Variants in NKAP observed in about 807,000 individuals in gnomAD.
The protein encoded by NKAP is NFKB activating protein.
NKAP carries 4 observed loss-of-function variants against 35.6 expected under a neutral mutation model. The observed-to-expected ratio is 0.11, with a 90% CI of 0.06 to 0.26. The LOEUF (loss-of-function observed/expected upper bound fraction) is 0.26. NKAP is among the 10% of genes least tolerant of loss of function. The probability of loss-of-function intolerance (pLI) is 1.00; values close to 1 mark genes in which losing one functional copy is unlikely to be tolerated. For synonymous variants in NKAP, 106 were observed against 119.2 expected (o/e 0.89, Z 0.72); for missense variants, 238 against 321.9 (o/e 0.74, Z 1.99).
At chrX:119,941,716 C>T (rs1373903548) in intron 1 of NKAP, among the ~76,000 whole-genome samples, 1 of 111,613 alleles carries the variant, frequency 9.0e-6, no homozygotes, top group Non-Finnish European at 1.9e-5. Context: ...GCCTTGACCT[C>T]TCCAGCTCAA....
chrX:119,932,625 A>G (rs1287339866), intron 5 of NKAP: 1 of 111,875 alleles, frequency 8.9e-6, no homozygotes, highest in Non-Finnish European at 1.9e-5. Flanking sequence ...CCTCTTAAGA[A>G]TTTTTTTAAA....
At chrX:119,927,061 C>CAA (rs757523569) in intron 8 of NKAP, among the ~76,000 whole-genome samples, 509 of 32,930 alleles carry the variant, frequency 0.015, 21 homozygotes, top group African/African-American at 0.054. Flanking sequence ...AACTAGGTCT[C>CAA]AAAAAAAAAA....
chrX:119,930,843 A>AC (rs1056499088), intron 7 of NKAP, among the ~76,000 whole-genome samples: 14 of 73,256 alleles, frequency 1.9e-4, no homozygotes, highest in Non-Finnish European at 4.6e-4. Flanking sequence ...ACAAAACAAA[A>AC]AAAAAAAACA....
At chrX:119,927,443 C>G (rs1403318266) in intron 8 of NKAP, among the ~76,000 whole-genome samples, 1 of 111,683 alleles carries the variant, frequency 9.0e-6, no homozygotes. Flanking sequence ...CTCATGGGTT[C>G]AAGCGATTCT....
At chrX:119,939,170 G>A (rs904270329) in intron 1 of NKAP, among the ~76,000 whole-genome samples, 1 of 112,797 alleles carries the variant, frequency 8.9e-6, no homozygotes. Flanking sequence ...AGTCTCTTTT[G>A]ATATGGTCAA....
At position 119,931,866 on chromosome X, in the gene NKAP, C is replaced by G. The variant is rs543288455; in HGVS notation, c.923+70G>C. The G allele has an allele frequency of 3.7e-6, 3 of 815,121 alleles. No individual in the cohort carries two copies. The South Asian group carries it at 6.8e-5, about 19-fold the overall frequency. 67.2% of individuals were successfully genotyped at this position (815,121 alleles called of 1,213,427 possible). A position where few individuals can be genotyped will look rare whatever the true frequency, so the allele number is the denominator to read the frequency against. On this transcript the variant is annotated intron_variant, in intron 7 of 8. Coordinates refer to ENST00000371410, the MANE Select transcript of NKAP (RefSeq NM_024528.4). ...AAATAAGGGAATAGAGTCAGATAAG[C>G]TTGGCAAGGTAAGTTAGAACCAGAC...
At position 119,924,920 on chromosome X, in the gene NKAP, A is replaced by G. The variant is rs2056703226; in HGVS notation, c.*300T>C. 8.2e-6 allele frequency: 2 copies of G among 244,216 alleles called. No homozygotes were observed. The highest frequency in any genetic ancestry group is 1.2e-4 in the South Asian group (2 of 16,642). 20.1% of individuals were successfully genotyped at this position (244,216 alleles called of 1,213,427 possible). ...AGGCTGGTCTCGAACTCCTGGCCTC[A>G]AGTGATCCACCCGCCTCAGCCTCCC... On this transcript the variant is annotated 3_prime_UTR_variant, in exon 9 of 9. Coordinates refer to ENST00000371410, the MANE Select transcript of NKAP (RefSeq NM_024528.4).
At position 119,923,560 on chromosome X, in the gene NKAP, C is replaced by T. The variant is rs1289110074; in HGVS notation, c.*1660G>A. 5.3e-5 allele frequency: 6 copies of T among 112,346 alleles called. No homozygotes were observed. The highest frequency in any genetic ancestry group is 7.5e-5 in the Non-Finnish European group (4 of 53,279). 9.3% of individuals were successfully genotyped at this position (112,346 alleles called of 1,213,427 possible). ...CTATTCTTTTGGATGTTATCCTATC[C>T]TCAAGCTCATATCAGCTCAGATTGA... On this transcript the variant is annotated 3_prime_UTR_variant, in exon 9 of 9. Transcript: ENST00000371410.
chrX:119,922,256 A>C lies in NKAP; in HGVS notation c.*2964T>G, dbSNP rs1259306782. 8.9e-6 allele frequency: 1 copy of C among 112,196 alleles called. No homozygotes were observed. The highest frequency in any genetic ancestry group is 1.9e-5 in the Non-Finnish European group (1 of 53,295). 9.2% of individuals were successfully genotyped at this position (112,196 alleles called of 1,213,427 possible). ...GTTTCTTTTAACTTTTGAAAACTAC[A>C]GATTTATTAGGCTAGGCAGCAACTA... On this transcript the variant is annotated 3_prime_UTR_variant, in exon 9 of 9. Coordinates refer to ENST00000371410, the MANE Select transcript of NKAP (RefSeq NM_024528.4).
In NKAP at chrX:119,932,098, A is replaced by G. The variant is rs1273577287; in HGVS notation, c.847+9T>C. The G allele has an allele frequency of 8.4e-7, 1 of 1,194,993 alleles. No individual in the cohort carries two copies. The highest frequency in any genetic ancestry group is 1.8e-5 in the African/African-American group (1 of 56,912). ...ATCTGTTCTGAGTTAGTCTATCAGA[A>G]GAACCTACTTGTTCGATCCTTCCAG... On this transcript the variant is annotated intron_variant, in intron 6 of 8. Transcript: ENST00000371410.
rs1425073122 is a variant in NKAP, at chrX:119,938,715, T to G, written c.467+15A>C. On this transcript the variant is annotated intron_variant, in intron 2 of 8. Coordinates refer to ENST00000371410, the MANE Select transcript of NKAP (RefSeq NM_024528.4). ...ATATTATAACATTTTAAAAATATAT[T>G]TTTTAACCACTTACTCTGGTTCAGG... 9.8e-6 allele frequency: 11 copies of G among 1,123,179 alleles called. No individual in the cohort carries two copies. Among genetic ancestry groups the G allele is most frequent in the Non-Finnish European group, 1.3e-5 (11 of 831,441 alleles). The allele number at this position is 1,123,179 out of a possible 1,213,427, so 92.6% of individuals were successfully genotyped here. A position where few individuals can be genotyped will look rare whatever the true frequency, so the allele number is the denominator to read the frequency against.
In NKAP at chrX:119,932,019, AAAGATAT is replaced by A. The variant is rs751906318; in HGVS notation, c.848-15_848-9del. ...CTGATGGTTCTTCAGCCTCTGCATG[AAAGATAT>A]TAAGAAACACATTCACATTCTGACT... On this transcript the variant is annotated splice_polypyrimidine_tract_variant and intron_variant, in intron 6 of 8. Coordinates refer to ENST00000371410, the MANE Select transcript of NKAP (RefSeq NM_024528.4). 9.3e-5 allele frequency: 112 copies of A among 1,201,056 alleles called. No individual in the cohort carries two copies. Among genetic ancestry groups the A allele is most frequent in the Non-Finnish European group, 1.2e-4 (109 of 887,654 alleles).
intron 8 of NKAP, among the ~76,000 whole-genome samples, chrX:119,926,423 C>A (rs968255866): frequency 9.2e-6 from 1 of 108,970 alleles, no homozygotes; most frequent in Non-Finnish European, 1.9e-5. Flanking sequence ...TGTGCCACCA[C>A]GCCCGACTAA....
rs767883263 is a variant in NKAP at position 119,938,293 on chromosome X, A to C, written c.467+437T>G. ...CTACTCGGGAGGCTGAGGCAGGAGA[A>C]TCGCTTGAACCCAGGAGGCGGAGGT... On this transcript the variant is annotated intron_variant, in intron 2 of 8. Transcript: ENST00000371410. Among the ~76,000 whole-genome samples the C allele has an allele frequency of 9.0e-5, 10 of 110,747 alleles. No homozygotes were observed. In the South Asian group the frequency reaches 3.8e-3, roughly 42 times the overall value.
rs767368694 is a variant in NKAP, at chrX:119,936,202, T to G, written c.673+95A>C. On this transcript the variant is annotated intron_variant, in intron 4 of 8. Coordinates refer to ENST00000371410, the MANE Select transcript of NKAP (RefSeq NM_024528.4). ...GCAAGTGTTCAAAAACTCTTCAGTA[T>G]TATTATTGTTTTCAGGAACCTTCTT... The G allele has an allele frequency of 1.9e-4, 188 of 966,585 alleles. No homozygotes were observed. In the African/African-American group the frequency reaches 3.4e-3, roughly 17 times the overall value. 79.7% of individuals were successfully genotyped at this position (966,585 alleles called of 1,213,427 possible). A position where few individuals can be genotyped will look rare whatever the true frequency, so the allele number is the denominator to read the frequency against.
chrX:119,942,261 C>T (rs2056797161), intron 1 of NKAP, among the ~76,000 whole-genome samples: 1 of 110,576 alleles, frequency 9.0e-6, no homozygotes, highest in Admixed American at 9.7e-5. Context: ...TCACTTGAGC[C>T]CAGAAATTCG....
rs757217205 is a variant in NKAP at position 119,943,270 on chromosome X, C to G, written c.336G>C (p.Lys112Asn). ...CCTTGTCGAGGAGGCTAGGCCAAGG[C>G]TTGTCGCTCCCGTAGGGGCGCGAGT... Reference protein sequence around the residue: ...GSYSRPYGSDKPWPSLLDKER... With the variant: ...GSYSRPYGSDNPWPSLLDKER... Residue 112 changes from lysine to asparagine, a missense_variant, in exon 1 of 9, where the codon AAG (lysine) becomes AAC (asparagine). Lys to Asn is a moderately conservative substitution (Grantham distance 94). Around this residue, in one of 5 missense-constraint regions of NKAP, gnomAD observed 123 missense variants for 115.3 expected, o/e 1.07. Coordinates refer to ENST00000371410, the MANE Select transcript of NKAP (RefSeq NM_024528.4). The G allele has an allele frequency of 6.0e-5, 72 of 1,208,386 alleles. No homozygotes were observed. The highest frequency in any genetic ancestry group is 7.5e-5 in the Non-Finnish European group (67 of 894,125).
At position 119,922,582 on chromosome X, in the gene NKAP, G is replaced by A. The variant is rs1485069371; in HGVS notation, c.*2638C>T. 9.0e-6 allele frequency: 1 copy of A among 110,760 alleles called. No homozygotes were observed. The highest frequency in any genetic ancestry group is 1.9e-5 in the Non-Finnish European group (1 of 52,892). The allele number at this position is 110,760 out of a possible 1,213,427, so 9.1% of individuals were successfully genotyped here. A position where few individuals can be genotyped will look rare whatever the true frequency, so the allele number is the denominator to read the frequency against. ...GTCTCTACTAACTATACAAAAATTAGCTGGGCATGGTGGTGCACACTGGTA... is the reference window on the plus strand; with the variant it reads ...GTCTCTACTAACTATACAAAAATTAACTGGGCATGGTGGTGCACACTGGTA... On this transcript the variant is annotated 3_prime_UTR_variant, in exon 9 of 9. Transcript: ENST00000371410.
In NKAP at chrX:119,938,639, T is replaced by C. The variant is rs2056778105; in HGVS notation, c.467+91A>G. On this transcript the variant is annotated intron_variant, in intron 2 of 8. Transcript: ENST00000371410. ...ACAAGAAAGAAAAATGTGAGATATATTTAAAGTTCTTCACTTAAACATTTT... is the reference window on the plus strand; with the variant it reads ...ACAAGAAAGAAAAATGTGAGATATACTTAAAGTTCTTCACTTAAACATTTT... The C allele has an allele frequency of 5.1e-6, 3 of 593,985 alleles. No individual in the cohort carries two copies. The African/African-American group carries it at 7.0e-5, about 14-fold the overall frequency. 49.0% of individuals were successfully genotyped at this position (593,985 alleles called of 1,213,427 possible). A position where few individuals can be genotyped will look rare whatever the true frequency, so the allele number is the denominator to read the frequency against.
Sources: gnomAD v4.1 joint callset for allele counts (sites outside exome capture counted in the v4.1 genomes callset) on GRCh38, gnomAD v4.1.1 for gene constraint, gnomAD v4.1.1 regional missense constraint, MANE v1.5 for transcripts, NCBI Gene and HGNC (gene_info 2026-07-23, HGNC 2026-07-21) for gene names.